Variants in ADAMTS2 observed in about 807,000 individuals in gnomAD.
ADAMTS2 encodes the protein ADAM metallopeptidase with thrombospondin type 1 motif 2.
In ADAMTS2, 50 loss-of-function variants were observed where a neutral mutation model predicts 123.0. The ratio of observed to expected loss-of-function variants is 0.41; its 90% CI spans 0.32 to 0.51. ADAMTS2 has a LOEUF of 0.51. Ranked by LOEUF, ADAMTS2 falls within the 20% of genes least tolerant of loss-of-function variation. ADAMTS2 has a pLI of 0.35. For synonymous variants in ADAMTS2, 678 were observed against 695.4 expected (o/e 0.98, Z 0.39); for missense variants, 1,494 against 1,705.2 (o/e 0.88, Z 2.18).
chr5:179,145,143 G>C (rs1012879073), intron 10 of ADAMTS2, among the ~76,000 whole-genome samples: 1 of 152,050 alleles, frequency 6.6e-6, no homozygotes, highest in African/African-American at 2.4e-5. Context: ...ATGAAAAGAC[G>C]GTCATCATAG....
chr5:179,177,938 CTA>C (rs1255891535), intron 5 of ADAMTS2, among the ~76,000 whole-genome samples: 1 of 152,110 alleles, frequency 6.6e-6, no homozygotes, highest in African/African-American at 2.4e-5. Context: ...GCAATTAACC[CTA>C]GTCAATTACA....
At chr5:179,143,076 G>GA (rs538593446) in intron 10 of ADAMTS2, among the ~76,000 whole-genome samples, 158 of 152,286 alleles carry the variant, frequency 1.0e-3, no homozygotes, top group African/African-American at 3.7e-3. Flanking sequence ...AGAACTAAAG[G>GA]AGAGTACAGG....
intron 20 of ADAMTS2, among the ~76,000 whole-genome samples, chr5:179,122,332 G>A (rs7702135): frequency 9.5e-4 from 88 of 92,770 alleles, no homozygotes; most frequent in African/African-American, 3.2e-3. Flanking sequence ...TCGCACAGGC[G>A]TCCCCCTATT....
At position 179,285,702 on chromosome 5, in the gene ADAMTS2, C is replaced by G. The variant is rs555774093; in HGVS notation, c.535-12638G>C. On this transcript the variant is annotated intron_variant, in intron 2 of 21. Transcript: ENST00000251582. This position sits in a 1 kb window ranked among gnomAD's most constrained non-coding sequence, Gnocchi z 4.9. ...TCAGCATGAAGCCCACGTCGGGGAA[C>G]GTCCCCAGTCACAAATTAACATTCA... Among the ~76,000 whole-genome samples the G allele has an allele frequency of 6.6e-6, 1 of 152,236 alleles. No homozygotes were observed. Among genetic ancestry groups the G allele is most frequent in the African/African-American group, 2.4e-5 (1 of 41,470 alleles).
intron 2 of ADAMTS2, among the ~76,000 whole-genome samples, chr5:179,305,474 A>T (rs935860869): frequency 1.3e-5 from 2 of 152,208 alleles, no homozygotes; most frequent in African/African-American, 2.4e-5. Context: ...AAGACTCTGA[A>T]GAGTTATATA....
rs191471306 is a variant in ADAMTS2, at chr5:179,206,876, C to T, written c.891+637G>A. On this transcript the variant is annotated intron_variant, in intron 4 of 21. Transcript: ENST00000251582. The stretch of plus-strand genomic sequence containing the variant: ...GTGTTAGGCAGACCATGGGCAGGTG[C>T]CCAGAAGACGAAGGTGGCACATAGA... Among the ~76,000 whole-genome samples, 4 of 152,264 alleles carry T rather than the reference C, an allele frequency of 2.6e-5. No homozygotes were observed. In the East Asian group the frequency reaches 7.7e-4, roughly 29 times the overall value.
chr5:179,187,829 G>A (rs1764211574), intron 4 of ADAMTS2, among the ~76,000 whole-genome samples: 1 of 152,216 alleles, frequency 6.6e-6, no homozygotes, highest in African/African-American at 2.4e-5. Context: ...CTTGTTTGGG[G>A]AAACACATTG....
chr5:179,254,308 T>C (rs1765994630), intron 3 of ADAMTS2, among the ~76,000 whole-genome samples: 3 of 152,166 alleles, frequency 2.0e-5, no homozygotes, highest in South Asian at 2.1e-4. Flanking sequence ...ATATTATCAA[T>C]TGGGTTTCTA....
chr5:179,329,748 A>G (rs190843655), intron 2 of ADAMTS2, among the ~76,000 whole-genome samples: 158 of 152,298 alleles, frequency 1.0e-3, no homozygotes, highest in African/African-American at 3.6e-3. Flanking sequence ...CACCCAAGCT[A>G]GCAGAGGGTT....
intron 3 of ADAMTS2, among the ~76,000 whole-genome samples, chr5:179,223,375 C>T (rs1003828536): frequency 2.9e-5 from 4 of 136,136 alleles, no homozygotes; most frequent in African/African-American, 8.3e-5. Flanking sequence ...CTCACAAACA[C>T]GCACACACGA....
In ADAMTS2 at chr5:179,225,963, C is replaced by T. The variant is rs773694486; in HGVS notation, c.689-18248G>A. Among the ~76,000 whole-genome samples, 8 of 152,152 alleles carry T rather than the reference C, an allele frequency of 5.3e-5. No individual in the cohort carries two copies. The highest frequency in any genetic ancestry group is 1.2e-4 in the Non-Finnish European group (8 of 68,022). On this transcript the variant is annotated intron_variant, in intron 3 of 21. Coordinates refer to ENST00000251582, the MANE Select transcript of ADAMTS2 (RefSeq NM_014244.5). This position sits in a 1 kb window ranked among gnomAD's most constrained non-coding sequence, Gnocchi z 4.5. ...AAAGTAAAAGAGCACATGCAGCACA[C>T]GCCCACTGGGGCTTCAGGGGCTGCA...
intron 19 of ADAMTS2, among the ~76,000 whole-genome samples, chr5:179,123,667 G>A (rs374112360): frequency 2.0e-5 from 3 of 152,166 alleles, no homozygotes; most frequent in African/African-American, 2.4e-5. Context: ...GAGTTCAGGC[G>A]ATCCACCCGC....
chr5:179,299,511 AGAT>A (rs1393531815), intron 2 of ADAMTS2, among the ~76,000 whole-genome samples: 4 of 134,536 alleles, frequency 3.0e-5, no homozygotes, highest in Non-Finnish European at 6.4e-5. Context: ...CCTGGGCAAC[AGAT>A]CAAGACTCCA....
chr5:179,231,946 A>T lies in ADAMTS2; in HGVS notation c.689-24231T>A, dbSNP rs1310625967. Reference sequence around the variant, plus strand: ...AAAAAAAAAGAAAAAAGAAAAAGAAAAAAAAAAAGAGGAAATTAGCCAATA... The same window carrying T: ...AAAAAAAAAGAAAAAAGAAAAAGAATAAAAAAAAGAGGAAATTAGCCAATA... On this transcript the variant is annotated intron_variant, in intron 3 of 21. Coordinates refer to ENST00000251582, the MANE Select transcript of ADAMTS2 (RefSeq NM_014244.5). 4.6e-4 allele frequency among the ~76,000 whole-genome samples: 3 copies of T among 6,576 alleles called. No individual in the cohort carries two copies. The African/African-American group carries it at 0.016, about 35-fold the overall frequency. The allele number at this position is 6,576 out of a possible 152,430, so 4.3% of individuals were successfully genotyped here.
At chr5:179,306,597 C>T (rs1453521171) in intron 2 of ADAMTS2, among the ~76,000 whole-genome samples, 3 of 152,124 alleles carry the variant, frequency 2.0e-5, no homozygotes, top group African/African-American at 7.2e-5. Flanking sequence ...CACCTCTGTA[C>T]ACACCCAGCA....
chr5:179,344,578 G>A lies in ADAMTS2; in HGVS notation c.140-417C>T, dbSNP rs148400924. Among the ~76,000 whole-genome samples, 125 of 152,274 alleles carry A rather than the reference G, an allele frequency of 8.2e-4. 5 individuals are homozygous for A. In the East Asian group the frequency reaches 0.017, roughly 21 times the overall value. On this transcript the variant is annotated intron_variant, in intron 1 of 21. Transcript: ENST00000251582. ...GTTGGCCCCCTTACCCGTGTGCCAC[G>A]ACCCCTCGGCGGGCCCCTGCCGCCC...
At chr5:179,278,913 T>A (rs1766816281) in intron 2 of ADAMTS2, among the ~76,000 whole-genome samples, 1 of 151,180 alleles carries the variant, frequency 6.6e-6, no homozygotes. Context: ...AAATGGCAAC[T>A]AGATGTTAAA....
At chr5:179,343,334 C>T (rs911920423) in intron 2 of ADAMTS2, among the ~76,000 whole-genome samples, 1 of 152,210 alleles carries the variant, frequency 6.6e-6, no homozygotes, top group Non-Finnish European at 1.5e-5. Context: ...CAGACACATA[C>T]GTGCACAAGA....
chr5:179,238,601 C>G (rs974690571), intron 3 of ADAMTS2, among the ~76,000 whole-genome samples: 1 of 152,072 alleles, frequency 6.6e-6, no homozygotes, highest in Non-Finnish European at 1.5e-5. Context: ...CTGAGGGTGT[C>G]TAGAAAGGGC....
Sources: gnomAD v4.1 joint callset for allele counts (sites outside exome capture counted in the v4.1 genomes callset) on GRCh38, gnomAD v4.1.1 for gene constraint, Gnocchi (gnomAD v3.1) non-coding constraint, MANE v1.5 for transcripts, NCBI Gene and HGNC (gene_info 2026-07-23, HGNC 2026-07-21) for gene names.